KCNA4: variants seen among roughly 807,000 people sequenced by gnomAD.
KCNA4 encodes cardiac potassium channel.
A neutral mutation model predicts 37.2 loss-of-function variants in KCNA4; 5 were observed. The ratio of observed to expected loss-of-function variants is 0.13; its 90% CI spans 0.07 to 0.28. The LOEUF is 0.28. Ranked by LOEUF, KCNA4 falls within the 10% of genes least tolerant of loss-of-function variation. The pLI is 1.00. For synonymous variants in KCNA4, 350 were observed against 311.8 expected (o/e 1.12, Z -1.29); for missense variants, 634 against 817.4 (o/e 0.78, Z 2.74).
Position 30,010,677 on chromosome 11 carries a change from G to A in KCNA4, c.*40C>T. The A allele has an allele frequency of 3.2e-6, 5 of 1,552,296 alleles. No individual in the cohort carries two copies. Among genetic ancestry groups the A allele is most frequent in the Non-Finnish European group, 4.3e-6 (5 of 1,154,130 alleles). On this transcript the variant is annotated 3_prime_UTR_variant, in exon 2 of 2. Transcript: ENST00000328224. ...GCACTCTCTATGCATAAATATATTT[G>A]GAGATGCTGAGGGGGGAGCAGTGGC...
Position 30,011,488 on chromosome 11 carries a change from T to C in KCNA4, c.1191A>G (p.Ala397=). Residue 397 remains alanine, a synonymous_variant, in exon 2 of 2, where the codon GCA becomes GCG. Coordinates refer to ENST00000328224, the MANE Select transcript of KCNA4 (RefSeq NM_002233.4). The surrounding 1 kb of genome is among the most constrained non-coding windows in gnomAD (Gnocchi z 5.6). Reference sequence around the variant, plus strand: ...TGTTCATGATGTTTTTGAAGAAGAGTGCTTGGCTGGGACAAGCAAAGCAGC... The same window carrying C: ...TGTTCATGATGTTTTTGAAGAAGAGCGCTTGGCTGGGACAAGCAAAGCAGC... ...VVRCFACPSQ[A]LFFKNIMNII... The C allele has an allele frequency of 1.2e-6, 2 of 1,613,990 alleles. No homozygotes were observed. The highest frequency in any genetic ancestry group is 1.7e-6 in the Non-Finnish European group (2 of 1,180,008).
In KCNA4 at chr11:30,013,449, G is replaced by T; in HGVS notation, c.-771C>A. 6.0e-6 allele frequency: 1 copy of T among 166,566 alleles called. No individual in the cohort carries two copies. The allele number at this position is 166,566 out of a possible 1,614,324, so 10.3% of individuals were successfully genotyped here. A position where few individuals can be genotyped will look rare whatever the true frequency, so the allele number is the denominator to read the frequency against. On this transcript the variant is annotated 5_prime_UTR_variant, in exon 2 of 2. Transcript: ENST00000328224. ...ATTCTTCAGCCAAAATCATGCAGAA[G>T]AAGCACTTCACCTGAAAAAGGATTG...
chr11:30,016,626 T>G lies in KCNA4; in HGVS notation c.-837A>C. On this transcript the variant is annotated 5_prime_UTR_variant, in exon 1 of 2. Transcript: ENST00000328224. ...AAAGAAAATCCACCGGCTGGCTTGT[T>G]TTTCCCCCTCAAGCTGCAACAGCTG... The G allele has an allele frequency of 4.3e-6, 1 of 233,606 alleles. No homozygotes were observed. The allele number at this position is 233,606 out of a possible 1,614,324, so 14.5% of individuals were successfully genotyped here.
At position 30,010,575 on chromosome 11, in the gene KCNA4, C is replaced by A. The variant is rs1850293197; in HGVS notation, c.*142G>T. 1 of 1,223,716 alleles carries A rather than the reference C, an allele frequency of 8.2e-7. No individual in the cohort carries two copies. The allele number at this position is 1,223,716 out of a possible 1,614,324, so 75.8% of individuals were successfully genotyped here. ...TTGATATGTAATACAAGTTTAGTAA[C>A]AATTATGCCATGTATAACCATTAAA... On this transcript the variant is annotated 3_prime_UTR_variant, in exon 2 of 2. Transcript: ENST00000328224.
Position 30,011,889 on chromosome 11 carries a change from C to T in KCNA4, c.790G>A (p.Glu264Lys). The T allele has an allele frequency of 6.2e-7, 1 of 1,614,130 alleles. No homozygotes were observed. Among genetic ancestry groups the T allele is most frequent in the South Asian group, 1.1e-5 (1 of 91,076 alleles). Residue 264 changes from glutamate (E) to lysine (K), a missense_variant, in exon 2 of 2, where the codon GAG (glutamate) becomes AAG (lysine). This residue lies in a region of KCNA4 where 252 missense variants were observed against 344.2 expected (regional missense o/e 0.73). Coordinates refer to ENST00000328224, the MANE Select transcript of KCNA4 (RefSeq NM_002233.4). The surrounding 1 kb of genome is among the most constrained non-coding windows in gnomAD (Gnocchi z 5.6). Reference sequence around the variant, plus strand: ...TCCTCCCGAAACTTCAACAGGGCCTCCTCCCCCAACTGATAGAACTTCACC... The same window carrying T: ...TCCTCCCGAAACTTCAACAGGGCCTTCTCCCCCAACTGATAGAACTTCACC... ...EEVKFYQLGE[E>K]ALLKFREDEG...
chr11:30,012,512 C>A lies in KCNA4; in HGVS notation c.167G>T (p.Gly56Val), dbSNP rs772969969. Residue 56 changes from glycine (G) to valine (V), a missense_variant, in exon 2 of 2, where the codon GGT becomes GTT. Gly to Val is a moderately radical substitution (Grantham distance 109). Coordinates refer to ENST00000328224, the MANE Select transcript of KCNA4 (RefSeq NM_002233.4). ...AATAAVEGSGGSGGGSHHHHQ... is the reference protein window; with the variant it reads ...AATAAVEGSGVSGGGSHHHHQ... The stretch of plus-strand genomic sequence containing the variant: ...GTGGTGGTGGGAGCCCCCACCAGAA[C>A]CCCCGCTACCTTCGACAGCAGCTGT... 6.2e-7 allele frequency: 1 copy of A among 1,609,714 alleles called. No homozygotes were observed. The highest frequency in any genetic ancestry group is 1.3e-5 in the African/African-American group (1 of 75,046).
In KCNA4 at chr11:30,016,963, TC is replaced by T; in HGVS notation, c.-1175del. 5.0e-6 allele frequency: 2 copies of T among 398,054 alleles called. No homozygotes were observed. Among genetic ancestry groups the T allele is most frequent in the East Asian group, 3.6e-5 (1 of 27,968 alleles). The allele number at this position is 398,054 out of a possible 1,614,324, so 24.7% of individuals were successfully genotyped here. On this transcript the variant is annotated 5_prime_UTR_variant, in exon 1 of 2. An upstream open reading frame in the 5' UTR loses its in-frame stop. Coordinates refer to ENST00000328224, the MANE Select transcript of KCNA4 (RefSeq NM_002233.4). ...TTAAGCCCGAATTCCTCCTCCAACA[TC>T]CATCCCTCTCTCGCTCTCGCTGGCT... is the stretch of plus-strand genomic sequence containing the variant.
chr11:30,012,827 A>AT lies in KCNA4; in HGVS notation c.-150dup. The AT allele has an allele frequency of 3.2e-6, 4 of 1,237,214 alleles. No homozygotes were observed. The highest frequency in any genetic ancestry group is 3.3e-6 in the Non-Finnish European group (3 of 922,822). 76.6% of individuals were successfully genotyped at this position (1,237,214 alleles called of 1,614,324 possible). On this transcript the variant is annotated 5_prime_UTR_variant, in exon 2 of 2. In the 5' UTR this introduces an upstream ATG that the reference lacks. Coordinates refer to ENST00000328224, the MANE Select transcript of KCNA4 (RefSeq NM_002233.4). ...AAGGATATTTTCAGTCCAACTTTGCATTTTCTGTTTTTAAATCAGCACGCC... is the reference window on the plus strand; with the variant it reads ...AAGGATATTTTCAGTCCAACTTTGCATTTTTCTGTTTTTAAATCAGCACGCC...
chr11:30,011,188 A>G lies in KCNA4; in HGVS notation c.1491T>C (p.Tyr497=). The G allele has an allele frequency of 1.9e-6, 3 of 1,614,168 alleles. No homozygotes were observed. The highest frequency in any genetic ancestry group is 2.5e-6 in the Non-Finnish European group (3 of 1,180,040). ...TAGTAGGTTCATCCGCCTCTGCAAA[A>G]TACACAGCACTAGAAAAGAGGATGA... ...IGVILFSSAV[Y]FAEADEPTTH... is the part of the protein sequence containing the mutation. Residue 497 remains tyrosine (Y), a synonymous_variant, in exon 2 of 2, where the codon TAT becomes TAC. Transcript: ENST00000328224. This position sits in a 1 kb window ranked among gnomAD's most constrained non-coding sequence, Gnocchi z 5.6.
chr11:30,015,565 G>A (rs1272063020), intron 1 of KCNA4, among the ~76,000 whole-genome samples: 1 of 152,008 alleles, frequency 6.6e-6, no homozygotes. Context: ...GTTAGTTTTT[G>A]TTTATCTAAC....
Position 30,011,308 on chromosome 11 carries a change from G to A in KCNA4, c.1371C>T (p.Leu457=), listed in dbSNP as rs779300077. The change falls in exon 2 of 2, where the codon CTC becomes CTT. Residue 457 remains leucine (L), a synonymous_variant. Coordinates refer to ENST00000328224, the MANE Select transcript of KCNA4 (RefSeq NM_002233.4). The surrounding 1 kb of genome is among the most constrained non-coding windows in gnomAD (Gnocchi z 5.6). ...TCTGCAGGCCTTTGGAGTGCCTGGA[G>A]AGTTTGAAGATCCGGAATACTCGGA... ...RLVRVFRIFK[L]SRHSKGLQIL... The A allele has an allele frequency of 1.9e-6, 3 of 1,614,048 alleles. No homozygotes were observed. The highest frequency in any genetic ancestry group is 1.3e-5 in the African/African-American group (1 of 74,924).
At position 30,017,013 on chromosome 11, in the gene KCNA4, T is replaced by C. The variant is rs1185810883; in HGVS notation, c.-1224A>G. On this transcript the variant is annotated 5_prime_UTR_variant, in exon 1 of 2. Coordinates refer to ENST00000328224, the MANE Select transcript of KCNA4 (RefSeq NM_002233.4). ...CTGCGGGAGCAGCACACGCCTCCCCTGGCCGCGAACGCGCTCTGGGCGGGG... is the reference window on the plus strand; with the variant it reads ...CTGCGGGAGCAGCACACGCCTCCCCCGGCCGCGAACGCGCTCTGGGCGGGG... 19 of 395,516 alleles carry C rather than the reference T, an allele frequency of 4.8e-5. No homozygotes were observed. Among genetic ancestry groups the C allele is most frequent in the Middle Eastern group, 6.3e-4 (1 of 1,594 alleles). The allele number at this position is 395,516 out of a possible 1,614,324, so 24.5% of individuals were successfully genotyped here.
intron 1 of KCNA4, chr11:30,016,228 A>C (rs974136774): frequency 4.6e-5 from 7 of 151,996 alleles, no homozygotes; most frequent in Non-Finnish European, 1.0e-4. Context: ...GAGGAGGCGA[A>C]ACGATGCTAA....
chr11:30,016,786 G>A lies in KCNA4; in HGVS notation c.-997C>T. On this transcript the variant is annotated 5_prime_UTR_variant, in exon 1 of 2. Coordinates refer to ENST00000328224, the MANE Select transcript of KCNA4 (RefSeq NM_002233.4). ...CCCGAGGGGTGCACAGAGTCCTCGC[G>A]GCTGGAGCCTGGGGGTGGGGGTTGG... is the stretch of plus-strand genomic sequence containing the variant. 2.6e-6 allele frequency: 1 copy of A among 386,432 alleles called. No homozygotes were observed. Among genetic ancestry groups the A allele is most frequent in the African/African-American group, 2.1e-5 (1 of 48,202 alleles). The allele number at this position is 386,432 out of a possible 1,614,324, so 23.9% of individuals were successfully genotyped here.
At position 30,016,690 on chromosome 11, in the gene KCNA4, T is replaced by G. The variant is rs1362064306; in HGVS notation, c.-901A>C. 5.6e-3 allele frequency: 979 copies of G among 175,710 alleles called. No individual in the cohort carries two copies. The highest frequency in any genetic ancestry group is 0.018 in the African/African-American group (272 of 15,166). 10.9% of individuals were successfully genotyped at this position (175,710 alleles called of 1,614,324 possible). A position where few individuals can be genotyped will look rare whatever the true frequency, so the allele number is the denominator to read the frequency against. ...ATGATCCTGGGTGGGGGGCGGGGGG[T>G]GGTAAAAGGAATCACTCGGGTTTGG... On this transcript the variant is annotated 5_prime_UTR_variant, in exon 1 of 2. Coordinates refer to ENST00000328224, the MANE Select transcript of KCNA4 (RefSeq NM_002233.4).
chr11:30,014,460 A>G (rs192965921), intron 1 of KCNA4, among the ~76,000 whole-genome samples: 1 of 152,120 alleles, frequency 6.6e-6, no homozygotes, highest in Non-Finnish European at 1.5e-5. Flanking sequence ...CACTCTGCTC[A>G]AGGGACTATC....
rs1263990356 is a variant in KCNA4 at position 30,011,427 on chromosome 11, T to C, written c.1252A>G (p.Thr418Ala). ...DIVSILPYFI[T>A]LGTDLAQQQG... Reference sequence around the variant, plus strand: ...TGCTGGGCCAGGTCAGTGCCCAGTGTGATGAAGTAAGGCAAAATGGAGACA... The same window carrying C: ...TGCTGGGCCAGGTCAGTGCCCAGTGCGATGAAGTAAGGCAAAATGGAGACA... Residue 418 changes from threonine to alanine, a missense_variant, in exon 2 of 2, where the codon ACA becomes GCA. By Grantham distance (58) the Thr-to-Ala change is moderately conservative. Coordinates refer to ENST00000328224, the MANE Select transcript of KCNA4 (RefSeq NM_002233.4). This position sits in a 1 kb window ranked among gnomAD's most constrained non-coding sequence, Gnocchi z 5.6. 1.9e-6 allele frequency: 3 copies of C among 1,613,974 alleles called. No individual in the cohort carries two copies. Among genetic ancestry groups the C allele is most frequent in the East Asian group, 2.2e-5 (1 of 44,890 alleles).
chr11:30,009,877 G>T lies in KCNA4; in HGVS notation c.*840C>A, dbSNP rs529592635. Reference sequence around the variant, plus strand: ...AAGAAAACAATAAAATAAGACTAAAGAAATCATTCTTCCAATGATTGTCAT... The same window carrying T: ...AAGAAAACAATAAAATAAGACTAAATAAATCATTCTTCCAATGATTGTCAT... On this transcript the variant is annotated 3_prime_UTR_variant, in exon 2 of 2. Coordinates refer to ENST00000328224, the MANE Select transcript of KCNA4 (RefSeq NM_002233.4). 6.6e-6 allele frequency: 1 copy of T among 151,974 alleles called. No individual in the cohort carries two copies. The highest frequency in any genetic ancestry group is 2.4e-5 in the African/African-American group (1 of 41,416). The allele number at this position is 151,974 out of a possible 1,614,324, so 9.4% of individuals were successfully genotyped here.
Position 30,012,243 on chromosome 11 carries a change from C to T in KCNA4, c.436G>A (p.Asp146Asn), listed in dbSNP as rs555288629. ...GTGTAGGAACACTCATCACCATGGT[C>T]ATCTTCACTATAGTAAAACCTTCCC... ...EEGRFYYSED[D>N]HGDECSYTDL... The change falls in exon 2 of 2, where the codon GAC (aspartate) becomes AAC (asparagine). Residue 146 changes from aspartate to asparagine, a missense_variant. Coordinates refer to ENST00000328224, the MANE Select transcript of KCNA4 (RefSeq NM_002233.4). The T allele has an allele frequency of 1.2e-6, 2 of 1,614,108 alleles. No homozygotes were observed. The highest frequency in any genetic ancestry group is 1.1e-5 in the South Asian group (1 of 91,076).
Sources: allele counts gnomAD v4.1 joint callset (sites outside exome capture counted in the v4.1 genomes callset), GRCh38; gene constraint gnomAD v4.1.1; regional missense constraint gnomAD v4.1.1; non-coding constraint Gnocchi (gnomAD v3.1); transcripts MANE v1.5; gene names NCBI Gene and HGNC (gene_info 2026-07-23, HGNC 2026-07-21).